Variants in PDE10A observed in about 807,000 individuals in gnomAD.
PDE10A encodes the protein phosphodiesterase 10A.
Under a neutral mutation model 97.7 loss-of-function variants are expected in PDE10A, and 39 were observed. That is an observed-to-expected ratio of 0.40 (90% CI 0.31 to 0.52). The LOEUF is 0.52. Among genes scored for constraint, PDE10A ranks in the 20% least tolerant of loss-of-function variants. The probability of loss-of-function intolerance (pLI) is 0.56; values close to 1 mark genes in which losing one functional copy is unlikely to be tolerated. For missense variants in PDE10A, 731 were observed against 1,047.8 expected, an observed-to-expected ratio of 0.70 and a Z score of 4.17; for synonymous variants, 371 against 376.8, an observed-to-expected ratio of 0.98 and a Z score of 0.18.
chr6:165,494,544 ATT>A (rs1233669781), intron 2 of PDE10A, among the ~76,000 whole-genome samples: 2 of 148,274 alleles, frequency 1.3e-5, no homozygotes, highest in Admixed American at 1.4e-4. Context: ...ATATTTATTT[ATT>A]TATTTAATAA....
At chr6:165,360,090 AC>A (rs1459364373) in intron 18 of PDE10A, among the ~76,000 whole-genome samples, 2 of 152,174 alleles carry the variant, frequency 1.3e-5, no homozygotes, top group Non-Finnish European at 2.9e-5. Context: ...TGTGGTCCAT[AC>A]CCACGATATG....
chr6:165,525,819 G>A (rs1256800735), intron 2 of PDE10A, among the ~76,000 whole-genome samples: 1 of 152,164 alleles, frequency 6.6e-6, no homozygotes, highest in Non-Finnish European at 1.5e-5. Flanking sequence ...ATTCTTACTC[G>A]TGTAGAGCTC....
At chr6:165,627,319 T>C (rs1788433970) in intron 1 of PDE10A, among the ~76,000 whole-genome samples, 1 of 152,234 alleles carries the variant, frequency 6.6e-6, no homozygotes, top group South Asian at 2.1e-4. Flanking sequence ...ATGCATATTC[T>C]ATTAATGATA....
chr6:165,756,847 C>A (rs183781702), intron 1 of PDE10A, among the ~76,000 whole-genome samples: 1 of 152,022 alleles, frequency 6.6e-6, no homozygotes, highest in Non-Finnish European at 1.5e-5. Flanking sequence ...ATGTGAAAAA[C>A]GGCATCTCAG....
intron 1 of PDE10A, among the ~76,000 whole-genome samples, chr6:165,550,837 A>T (rs1783979168): frequency 6.6e-6 from 1 of 152,236 alleles, no homozygotes; most frequent in African/African-American, 2.4e-5. Flanking sequence ...ATGAAAGGAA[A>T]ATCCAATAAC....
At chr6:165,517,796 G>GA (rs2128306210) in intron 2 of PDE10A, among the ~76,000 whole-genome samples, 1 of 152,264 alleles carries the variant, frequency 6.6e-6, no homozygotes, top group South Asian at 2.1e-4. Context: ...GTGGTTACGG[G>GA]AATCTACATA....
At chr6:165,373,973 C>T (rs546241678) in intron 18 of PDE10A, among the ~76,000 whole-genome samples, 3 of 150,088 alleles carry the variant, frequency 2.0e-5, no homozygotes, top group Non-Finnish European at 3.0e-5. Flanking sequence ...AGTAAACTAT[C>T]GCAAGGACAA....
At chr6:165,730,549 C>T (rs539746970) in intron 1 of PDE10A, among the ~76,000 whole-genome samples, 5 of 150,482 alleles carry the variant, frequency 3.3e-5, no homozygotes, top group Admixed American at 1.3e-4. Context: ...GTCAGGGGTT[C>T]GAGACCAGCC....
chr6:165,695,935 A>C (rs1328689045), intron 1 of PDE10A, among the ~76,000 whole-genome samples: 1 of 152,208 alleles, frequency 6.6e-6, no homozygotes, highest in Non-Finnish European at 1.5e-5. Flanking sequence ...GAAAACACCC[A>C]GGGCAATCAG....
chr6:165,502,475 A>G (rs551095031), intron 2 of PDE10A, among the ~76,000 whole-genome samples: 2 of 152,268 alleles, frequency 1.3e-5, no homozygotes, highest in African/African-American at 2.4e-5. Context: ...TTCACAAATG[A>G]TGATGCAGAA....
At chr6:165,431,316 A>C in intron 8 of PDE10A, 106 bp downstream of exon 8, 1 of 597,876 alleles carries the variant, frequency 1.7e-6, no homozygotes, top group Middle Eastern at 2.8e-4. Flanking sequence ...GTAATATCCC[A>C]AAATAAGGCA....
At chr6:165,796,861 A>G (rs1356619179) in intron 1 of PDE10A, among the ~76,000 whole-genome samples, 1 of 152,212 alleles carries the variant, frequency 6.6e-6, no homozygotes, top group Non-Finnish European at 1.5e-5. Context: ...ATGGGAAGAC[A>G]GCAGGGCAAT....
chr6:165,541,819 C>T (rs1274958583), intron 2 of PDE10A, among the ~76,000 whole-genome samples: 1 of 152,124 alleles, frequency 6.6e-6, no homozygotes, highest in East Asian at 1.9e-4. Context: ...TTCTCCCCTC[C>T]CTCTCAATCC....
At chr6:165,649,364 G>T (rs1251794385) in intron 1 of PDE10A, among the ~76,000 whole-genome samples, 1 of 152,132 alleles carries the variant, frequency 6.6e-6, no homozygotes, top group Non-Finnish European at 1.5e-5. Context: ...AGGGGGAAGA[G>T]TCAGTGAGGG....
intron 1 of PDE10A, among the ~76,000 whole-genome samples, chr6:165,775,937 G>A (rs1005372980): frequency 2.0e-5 from 3 of 152,130 alleles, no homozygotes; most frequent in East Asian, 1.9e-4. Flanking sequence ...GGATTGTTTC[G>A]TATTCTTATG....
intron 1 of PDE10A, among the ~76,000 whole-genome samples, chr6:165,753,114 G>A (rs985338035): frequency 6.6e-6 from 1 of 152,220 alleles, no homozygotes; most frequent in Non-Finnish European, 1.5e-5. Context: ...GTTAGCACGT[G>A]AGGGAAATGT....
intron 1 of PDE10A, among the ~76,000 whole-genome samples, chr6:165,903,910 G>A (rs1201757916): frequency 6.6e-6 from 1 of 152,148 alleles, no homozygotes; most frequent in Non-Finnish European, 1.5e-5. Context: ...CAGAGAAATG[G>A]CCAATGGATT....
At chr6:165,704,178 T>G (rs1428072193) in intron 1 of PDE10A, among the ~76,000 whole-genome samples, 3 of 152,094 alleles carry the variant, frequency 2.0e-5, no homozygotes, top group Non-Finnish European at 4.4e-5. Context: ...ACTGTGGGTG[T>G]TGTTGGCTGC....
intron 1 of PDE10A, among the ~76,000 whole-genome samples, chr6:165,685,935 T>C (rs115095155): frequency 0.012 from 1,809 of 152,266 alleles, 39 homozygotes; most frequent in African/African-American, 0.041. Flanking sequence ...GGACAAGTGG[T>C]AACAGAAGCC....
Sources: gnomAD v4.1 joint callset for allele counts (sites outside exome capture counted in the v4.1 genomes callset) on GRCh38, gnomAD v4.1.1 for gene constraint, MANE v1.5 for transcripts, NCBI Gene and HGNC (gene_info 2026-07-23, HGNC 2026-07-21) for gene names.